The following ERBB4 variants were observed in gnomAD, a reference collection of about 807,000 sequenced individuals.
The protein encoded by ERBB4 is receptor tyrosine-protein kinase erbB-4.
A neutral mutation model predicts 158.0 loss-of-function variants in ERBB4; 42 were observed. The ratio of observed to expected loss-of-function variants is 0.27; its 90% CI spans 0.21 to 0.34. The LOEUF is 0.34. ERBB4 is among the 10% of genes least tolerant of loss of function. The pLI, the probability that ERBB4 is intolerant of heterozygous loss-of-function variation, is 1.00. For missense variants in ERBB4, 1,333 were observed against 1,624.1 expected (o/e 0.82, Z 3.08); for synonymous variants, 583 against 558.7 (o/e 1.04, Z -0.61).
chr2:212,165,786 A>G (rs1315056682), intron 1 of ERBB4, among the ~76,000 whole-genome samples: 1 of 151,862 alleles, frequency 6.6e-6, no homozygotes, highest in Non-Finnish European at 1.5e-5. Flanking sequence ...TGGAAAACAT[A>G]AACAATTTTT....
At chr2:211,967,002 A>T in intron 2 of ERBB4, among the ~76,000 whole-genome samples, 1 of 152,140 alleles carries the variant, frequency 6.6e-6, no homozygotes, top group East Asian at 1.9e-4. Flanking sequence ...ATAATGTGGT[A>T]ATTATTAAAT....
chr2:211,478,703 G>T (rs945838688), intron 20 of ERBB4, among the ~76,000 whole-genome samples: 8 of 151,294 alleles, frequency 5.3e-5, no homozygotes, highest in African/African-American at 1.7e-4. Context: ...CTACTTCTTG[G>T]GTGGAATACA....
intron 1 of ERBB4, among the ~76,000 whole-genome samples, chr2:212,480,490 TTTCC>T (rs1689638024): frequency 6.6e-6 from 1 of 152,220 alleles, no homozygotes; most frequent in South Asian, 2.1e-4. Flanking sequence ...TTGATAGTAT[TTTCC>T]TTGAGTCTTG....
chr2:211,808,261 T>C (rs999800785), intron 3 of ERBB4, among the ~76,000 whole-genome samples: 1 of 152,238 alleles, frequency 6.6e-6, no homozygotes, highest in Admixed American at 6.5e-5. Flanking sequence ...TGGTTTTAGG[T>C]CTAACATTTA....
chr2:212,474,822 C>CTTTTTTTTTTTGTTTTTTTTTTTTT (rs1689297398), intron 1 of ERBB4, among the ~76,000 whole-genome samples: 1 of 94,412 alleles, frequency 1.1e-5, no homozygotes, highest in Admixed American at 1.1e-4. Flanking sequence ...CCCGGCCATT[C>CTTTTTTTTTTTGTTTTTTTTTTTTT]TTTTTTTTTT....
intron 20 of ERBB4, among the ~76,000 whole-genome samples, chr2:211,441,580 C>T (rs1326968038): frequency 6.6e-6 from 1 of 152,136 alleles, no homozygotes; most frequent in Non-Finnish European, 1.5e-5. Flanking sequence ...GGACTCTTCA[C>T]TGATATCTGC....
At chr2:212,416,129 G>T (rs1046354135) in intron 1 of ERBB4, among the ~76,000 whole-genome samples, 5 of 152,090 alleles carry the variant, frequency 3.3e-5, no homozygotes, top group African/African-American at 1.2e-4. Flanking sequence ...TAGTGTGATT[G>T]AAGAGACATG....
chr2:212,154,636 G>A (rs557548582), intron 1 of ERBB4, among the ~76,000 whole-genome samples: 1 of 136,286 alleles, frequency 7.3e-6, no homozygotes, highest in South Asian at 2.5e-4. Flanking sequence ...CCTGCAAGTG[G>A]CAGTGAAGGT....
intron 1 of ERBB4, among the ~76,000 whole-genome samples, chr2:212,188,290 CTCCCTCTTCT>C (rs2082091354): frequency 8.1e-6 from 1 of 123,018 alleles, no homozygotes; most frequent in East Asian, 3.1e-4. Context: ...TCTTCTCTCC[CTCCCTCTTCT>C]CTCCCTCCCT....
chr2:211,803,122 T>C (rs957425075), intron 3 of ERBB4, among the ~76,000 whole-genome samples: 2 of 152,234 alleles, frequency 1.3e-5, no homozygotes, highest in Non-Finnish European at 2.9e-5. Context: ...CAATTTTGAA[T>C]CTATTTGGCT....
At chr2:211,427,332 T>C (rs2063651511) in intron 22 of ERBB4, among the ~76,000 whole-genome samples, 1 of 152,128 alleles carries the variant, frequency 6.6e-6, no homozygotes, top group Non-Finnish European at 1.5e-5. Context: ...AAGTGGGCAT[T>C]ATGCTTTTTA....
At chr2:211,852,249 A>G (rs1442891526) in intron 3 of ERBB4, among the ~76,000 whole-genome samples, 1 of 151,984 alleles carries the variant, frequency 6.6e-6, no homozygotes, top group African/African-American at 2.4e-5. Context: ...ACTTCAGTAA[A>G]ATTAAAAATG....
At chr2:211,530,740 A>T (rs1172544744) in intron 20 of ERBB4, among the ~76,000 whole-genome samples, 1 of 152,002 alleles carries the variant, frequency 6.6e-6, no homozygotes, top group East Asian at 1.9e-4. Context: ...ATAGAAAAAA[A>T]TTGGCCAGGC....
At chr2:212,460,784 G>A (rs558025456) in intron 1 of ERBB4, among the ~76,000 whole-genome samples, 5 of 152,314 alleles carry the variant, frequency 3.3e-5, no homozygotes, top group African/African-American at 9.6e-5. Context: ...CCAGCTGGCT[G>A]CAGAAATTTC....
At chr2:212,042,471 G>T (rs1194475753) in intron 2 of ERBB4, among the ~76,000 whole-genome samples, 1 of 152,070 alleles carries the variant, frequency 6.6e-6, no homozygotes, top group Admixed American at 6.6e-5. Context: ...ATGCACGATT[G>T]TGTAGCTAAA....
At chr2:211,882,896 T>C (rs2078700228) in intron 3 of ERBB4, among the ~76,000 whole-genome samples, 1 of 152,204 alleles carries the variant, frequency 6.6e-6, no homozygotes, top group South Asian at 2.1e-4. Context: ...TCTCCTTGTA[T>C]CTGTGTTGGG....
At chr2:211,655,247 G>A (rs926448829) in intron 16 of ERBB4, among the ~76,000 whole-genome samples, 5 of 152,000 alleles carry the variant, frequency 3.3e-5, no homozygotes, top group Non-Finnish European at 7.4e-5. Context: ...AGGGCTTTAG[G>A]TACAGATCAA....
At chr2:211,408,524 G>GAA (rs982168132) in intron 25 of ERBB4, among the ~76,000 whole-genome samples, 2 of 152,140 alleles carry the variant, frequency 1.3e-5, no homozygotes, top group Non-Finnish European at 1.5e-5. Flanking sequence ...AAAGATCTCT[G>GAA]AAACATTCTT....
chr2:212,092,656 G>C (rs1295004652), intron 2 of ERBB4, among the ~76,000 whole-genome samples: 3 of 152,130 alleles, frequency 2.0e-5, no homozygotes, highest in African/African-American at 7.2e-5. Flanking sequence ...AATTATATTT[G>C]TTGATTAGAT....
Sources: gnomAD v4.1 joint callset for allele counts (sites outside exome capture counted in the v4.1 genomes callset) on GRCh38, gnomAD v4.1.1 for gene constraint, MANE v1.5 for transcripts, NCBI Gene and HGNC (gene_info 2026-07-23, HGNC 2026-07-21) for gene names.